KHDRBS2: variants seen among roughly 807,000 people sequenced by gnomAD.
The protein encoded by KHDRBS2 is KH RNA binding domain containing, signal transduction associated 2.
In KHDRBS2, 26 loss-of-function variants were observed where a neutral mutation model predicts 44.3. That is an observed-to-expected ratio of 0.59 (90% CI 0.43 to 0.81). The LOEUF is 0.81. Ranked by LOEUF, KHDRBS2 falls within the 40% of genes least tolerant of loss-of-function variation. KHDRBS2 has a pLI of 0.00. For missense variants in KHDRBS2, 476 were observed against 433.1 expected (o/e 1.10, Z -0.88); for synonymous variants, 194 against 151.1 (o/e 1.28, Z -2.08).
intron 4 of KHDRBS2, among the ~76,000 whole-genome samples, chr6:61,961,040 G>T (rs1416144261): frequency 2.0e-5 from 3 of 152,050 alleles, no homozygotes; most frequent in Non-Finnish European, 2.9e-5. Flanking sequence ...CCAGACTGAA[G>T]TTAGTCCACA....
chr6:61,668,767 A>T, the KHDRBS2 span, among the ~76,000 whole-genome samples: 1 of 150,982 alleles, frequency 6.6e-6, no homozygotes. Flanking sequence ...CCTTGTTTTT[A>T]TATTCACCTT....
chr6:61,929,525 C>T (rs7758098), intron 4 of KHDRBS2, among the ~76,000 whole-genome samples: 24,254 of 152,050 alleles, frequency 0.16, 2,516 homozygotes, highest in East Asian at 0.29. Flanking sequence ...TAGTAAGACC[C>T]CCCTCAGTCA....
At chr6:61,793,657 T>G (rs1784929647) in intron 6 of KHDRBS2, among the ~76,000 whole-genome samples, 1 of 152,126 alleles carries the variant, frequency 6.6e-6, no homozygotes, top group African/African-American at 2.4e-5. Context: ...TATATTATTC[T>G]GCATATCTTT....
intron 1 of KHDRBS2, among the ~76,000 whole-genome samples, chr6:62,209,687 C>T (rs1488564055): frequency 6.6e-6 from 1 of 152,268 alleles, no homozygotes; most frequent in East Asian, 1.9e-4. Flanking sequence ...CAGACCCACC[C>T]TCAATCTGGA....
chr6:61,816,326 G>A (rs557961639), intron 6 of KHDRBS2, among the ~76,000 whole-genome samples: 122 of 152,158 alleles, frequency 8.0e-4, no homozygotes, highest in African/African-American at 2.8e-3. Flanking sequence ...CATGGGATTA[G>A]CATGGATCCT....
At chr6:61,664,932 C>G in the KHDRBS2 span, among the ~76,000 whole-genome samples, 1 of 151,570 alleles carries the variant, frequency 6.6e-6, no homozygotes, top group African/African-American at 2.4e-5. Context: ...GAGCAATTAA[C>G]TTACTTCTAA....
At position 61,679,980 on chromosome 6, in the gene KHDRBS2, T is replaced by C. The variant is rs1168777604; in HGVS notation, c.*983A>G. Reference sequence around the variant, plus strand: ...AGAGGATAGTTTAAAATCCATTTATTATTCTAAATCCATTTTTTTCCATTA... The same window carrying C: ...AGAGGATAGTTTAAAATCCATTTATCATTCTAAATCCATTTTTTTCCATTA... On this transcript the variant is annotated 3_prime_UTR_variant, in exon 9 of 9. Transcript: ENST00000281156. 4.6e-5 allele frequency: 7 copies of C among 151,978 alleles called. No homozygotes were observed. The highest frequency in any genetic ancestry group is 1.0e-4 in the Non-Finnish European group (7 of 67,918). 9.4% of individuals were successfully genotyped at this position (151,978 alleles called of 1,614,324 possible). A position where few individuals can be genotyped will look rare whatever the true frequency, so the allele number is the denominator to read the frequency against.
intron 1 of KHDRBS2, among the ~76,000 whole-genome samples, chr6:62,243,313 T>C (rs183225315): frequency 9.2e-4 from 138 of 149,380 alleles, no homozygotes; most frequent in African/African-American, 3.3e-3. Context: ...TCAGTGAACT[T>C]CTTGATAGTG....
chr6:62,190,367 C>A (rs972138119), intron 1 of KHDRBS2, among the ~76,000 whole-genome samples: 1 of 152,078 alleles, frequency 6.6e-6, no homozygotes, highest in African/African-American at 2.4e-5. Context: ...TATGAAGCTT[C>A]CTCCTACACC....
intron 6 of KHDRBS2, among the ~76,000 whole-genome samples, chr6:61,877,005 C>CA: frequency 6.6e-6 from 1 of 152,104 alleles, no homozygotes; most frequent in Middle Eastern, 3.4e-3. Context: ...CCAGCCTTGC[C>CA]ACCTGTTTTC....
chr6:61,895,991 G>C (rs1004022513), intron 5 of KHDRBS2, among the ~76,000 whole-genome samples: 1 of 152,042 alleles, frequency 6.6e-6, no homozygotes, highest in African/African-American at 2.4e-5. Context: ...AATGATGAGA[G>C]AATTTATTGT....
intron 7 of KHDRBS2, among the ~76,000 whole-genome samples, chr6:61,728,958 C>T (rs367718321): frequency 1.5e-4 from 23 of 152,116 alleles, no homozygotes; most frequent in African/African-American, 4.3e-4. Flanking sequence ...ACCATTCTAC[C>T]CAACAATCCC....
At chr6:61,607,672 C>CA in the KHDRBS2 span, among the ~76,000 whole-genome samples, 1 of 151,760 alleles carries the variant, frequency 6.6e-6, no homozygotes, top group Non-Finnish European at 1.5e-5. Flanking sequence ...ATGAATAGCC[C>CA]AAAAATCATT....
intron 4 of KHDRBS2, among the ~76,000 whole-genome samples, chr6:61,935,288 A>T (rs1449094641): frequency 6.6e-6 from 1 of 152,200 alleles, no homozygotes; most frequent in Non-Finnish European, 1.5e-5. Flanking sequence ...AAGCTCATTT[A>T]TCCTTCTTTT....
At chr6:61,714,755 A>G (rs1771102833) in intron 7 of KHDRBS2, among the ~76,000 whole-genome samples, 2 of 151,914 alleles carry the variant, frequency 1.3e-5, no homozygotes, top group African/African-American at 2.4e-5. Flanking sequence ...AACAACATGG[A>G]TGGAACTGGA....
chr6:62,089,248 T>A (rs1445555464), intron 2 of KHDRBS2, among the ~76,000 whole-genome samples: 1 of 147,650 alleles, frequency 6.8e-6, no homozygotes, highest in Non-Finnish European at 1.5e-5. Context: ...CTGGCTGGCA[T>A]TTCAGGTGCC....
chr6:62,087,223 C>T (rs1435561554), intron 2 of KHDRBS2, among the ~76,000 whole-genome samples: 3 of 151,994 alleles, frequency 2.0e-5, no homozygotes, highest in Admixed American at 2.0e-4. Flanking sequence ...ACAATGAAAG[C>T]ATACCAGAAG....
chr6:62,213,896 A>AAAAAAAAAAAAAAAAAAAT (rs1829540958), intron 1 of KHDRBS2, among the ~76,000 whole-genome samples: 1 of 150,774 alleles, frequency 6.6e-6, no homozygotes, highest in Non-Finnish European at 1.5e-5. Context: ...AAAAAAAAAA[A>AAAAAAAAAAAAAAAAAAAT]AAAAAAAGAA....
At chr6:61,632,007 C>G in the KHDRBS2 span, among the ~76,000 whole-genome samples, 1 of 152,156 alleles carries the variant, frequency 6.6e-6, no homozygotes, top group African/African-American at 2.4e-5. Context: ...TAAACATAAA[C>G]AGAGAACAAG....
Sources: allele counts gnomAD v4.1 joint callset (sites outside exome capture counted in the v4.1 genomes callset), GRCh38; gene constraint gnomAD v4.1.1; transcripts MANE v1.5; gene names NCBI Gene and HGNC (gene_info 2026-07-23, HGNC 2026-07-21).